The following USO1 variants were observed in gnomAD, a reference collection of about 807,000 sequenced individuals.
USO1 encodes the protein USO1 vesicle transport factor.
In USO1, 57 loss-of-function variants were observed where a neutral mutation model predicts 124.5. The ratio of observed to expected loss-of-function variants is 0.46; its 90% CI spans 0.37 to 0.57. The LOEUF (loss-of-function observed/expected upper bound fraction) is 0.57, where lower values mean the gene tolerates loss of function less well. Among genes scored for constraint, USO1 ranks in the 20% least tolerant of loss-of-function variants. USO1 has a pLI of 0.00. For missense variants in USO1, 900 were observed against 1,040.6 expected, an observed-to-expected ratio of 0.86 and a Z score of 1.86; for synonymous variants, 369 against 362.8, an observed-to-expected ratio of 1.02 and a Z score of -0.19.
At position 75,774,701 on chromosome 4, in the gene USO1, C is replaced by T. The variant is rs375068942; in HGVS notation, c.581C>T (p.Thr194Ile). Reference sequence around the variant, plus strand: ...GGCGTCTTACTACTGCAGGCACTAACAAGAAGCAATGGTGCAATCCAGAAA... The same window carrying T: ...GGCGTCTTACTACTGCAGGCACTAATAAGAAGCAATGGTGCAATCCAGAAA... ...NDGVLLLQAL[T>I]RSNGAIQKIV... The change falls in exon 8 of 24, where the codon ACA becomes ATA. Residue 194 changes from threonine to isoleucine, a missense_variant. Thr to Ile is a moderately conservative substitution (Grantham distance 89). Coordinates refer to ENST00000514213, the MANE Select transcript of USO1 (RefSeq NM_003715.4). The T allele has an allele frequency of 6.8e-6, 11 of 1,613,246 alleles. No homozygotes were observed. Among genetic ancestry groups the T allele is most frequent in the Non-Finnish European group, 9.3e-6 (11 of 1,179,558 alleles).
chr4:75,757,833 GT>G (rs1721490707), intron 4 of USO1, among the ~76,000 whole-genome samples: 1 of 151,820 alleles, frequency 6.6e-6, no homozygotes, highest in Non-Finnish European at 1.5e-5. Flanking sequence ...CTTGTGTTTG[GT>G]TTTAGTTAGG....
chr4:75,781,348 C>T (rs1469158892), intron 8 of USO1, among the ~76,000 whole-genome samples: 1 of 152,072 alleles, frequency 6.6e-6, no homozygotes, highest in African/African-American at 2.4e-5. Context: ...ATGCTGTGAA[C>T]ATTGGTGAAA....
intron 18 of USO1, among the ~76,000 whole-genome samples, 177 bp downstream of exon 18, chr4:75,804,449 G>C (rs920275806): frequency 6.6e-6 from 1 of 152,118 alleles, no homozygotes. Flanking sequence ...GTTAAGACTG[G>C]ACCTTTAGAG....
In USO1 at chr4:75,806,632, G is replaced by T. The variant is rs17000907; in HGVS notation, c.2376+60G>T. 6 of 1,517,166 alleles carry T rather than the reference G, an allele frequency of 4.0e-6. No homozygotes were observed. In the East Asian group the frequency reaches 1.5e-4, roughly 37 times the overall value. 94.0% of individuals were successfully genotyped at this position (1,517,166 alleles called of 1,614,324 possible). A position where few individuals can be genotyped will look rare whatever the true frequency, so the allele number is the denominator to read the frequency against. On this transcript the variant is annotated intron_variant, in intron 20 of 23. Transcript: ENST00000514213. ...ATGTTTTAATTATAATAGAATAACA[G>T]CCCTATAGTTTCACAAATCTAGAAC...
rs753558311 is a variant in USO1 at position 75,800,676 on chromosome 4, C to G, written c.1741C>G (p.Leu581Val). The G allele has an allele frequency of 3.1e-6, 5 of 1,598,368 alleles. No individual in the cohort carries two copies. The highest frequency in any genetic ancestry group is 1.1e-5 in the South Asian group (1 of 87,532). ...TGGCAAAGAGAATTTCATAGAGAAA[C>G]TAGGATTTATTAGCAAACATGAGTT... ...RIGKENFIEK[L>V]GFISKHELYS... is the part of the protein sequence containing the mutation. The change falls in exon 16 of 24, where the codon CTA becomes GTA. Residue 581 changes from leucine (L) to valine (V), a missense_variant. Physicochemically the swap from Leu to Val is conservative, Grantham distance 32. Coordinates refer to ENST00000514213, the MANE Select transcript of USO1 (RefSeq NM_003715.4).
intron 7 of USO1, among the ~76,000 whole-genome samples, chr4:75,771,528 T>C (rs538071700): frequency 6.6e-6 from 1 of 152,358 alleles, no homozygotes; most frequent in African/African-American, 2.4e-5. Flanking sequence ...GGATTTCTTA[T>C]ACTATCTGCT....
At chr4:75,726,561 C>T (rs1307248786) in intron 1 of USO1, among the ~76,000 whole-genome samples, 2 of 120,240 alleles carry the variant, frequency 1.7e-5, no homozygotes, top group African/African-American at 5.4e-5. Context: ...TGAAGAGACT[C>T]CATCTCAAAA....
chr4:75,752,212 AG>A (rs1437375988), intron 1 of USO1, among the ~76,000 whole-genome samples, 160 bp from the exon 2 acceptor site: 1 of 152,070 alleles, frequency 6.6e-6, no homozygotes, highest in Non-Finnish European at 1.5e-5. Flanking sequence ...CTCTGTAATG[AG>A]ATTATAATAC....
Position 75,790,697 on chromosome 4 carries a change from T to C in USO1, c.1140T>C (p.Val380=). Residue 380 remains valine, a synonymous_variant, in exon 12 of 24, where the codon GTT becomes GTC. Transcript: ENST00000514213. The part of the protein sequence containing the change: ...MSMVNERQPF[V]LRCAVLYCFQ... Reference sequence around the variant, plus strand: ...TGGTTAATGAAAGGCAGCCATTTGTTTTGCGCTGTGCTGTTCTCTATTGTT... The same window carrying C: ...TGGTTAATGAAAGGCAGCCATTTGTCTTGCGCTGTGCTGTTCTCTATTGTT... 1 of 1,613,356 alleles carries C rather than the reference T, an allele frequency of 6.2e-7. No homozygotes were observed. Among genetic ancestry groups the C allele is most frequent in the Non-Finnish European group, 8.5e-7 (1 of 1,179,664 alleles).
chr4:75,789,398 C>T (rs1722464777), intron 10 of USO1, among the ~76,000 whole-genome samples: 1 of 152,164 alleles, frequency 6.6e-6, no homozygotes, highest in Non-Finnish European at 1.5e-5. Flanking sequence ...CTGCCTTAGC[C>T]TCACAAGTAA....
intron 1 of USO1, among the ~76,000 whole-genome samples, chr4:75,728,129 A>C (rs1374342569): frequency 3.9e-5 from 6 of 152,248 alleles, no homozygotes; most frequent in Non-Finnish European, 8.8e-5. Flanking sequence ...TAAAGACTAG[A>C]AACTGAAGTT....
intron 12 of USO1, among the ~76,000 whole-genome samples, chr4:75,793,205 CTTTTTTTTTTTT>C (rs67560505): frequency 1.1e-4 from 10 of 87,730 alleles, no homozygotes; most frequent in South Asian, 4.4e-4. Context: ...TCTCTCTCTC[CTTTTTTTTTTTT>C]TTTTTTTTTT....
At chr4:75,725,107 G>A in intron 1 of USO1, 1 of 583,176 alleles carries the variant, frequency 1.7e-6, no homozygotes, top group Non-Finnish European at 3.0e-6. Context: ...GACGGCGGCC[G>A]CGCCCCGCAG....
chr4:75,768,750 A>G (rs1232894810), intron 4 of USO1, among the ~76,000 whole-genome samples: 1 of 152,180 alleles, frequency 6.6e-6, no homozygotes, highest in East Asian at 1.9e-4. Context: ...ATTAAGTATG[A>G]TGTTAGCTGT....
chr4:75,768,582 T>C (rs1238642240), intron 4 of USO1, among the ~76,000 whole-genome samples: 5 of 152,248 alleles, frequency 3.3e-5, no homozygotes, highest in Non-Finnish European at 7.3e-5. Flanking sequence ...CATCTGTAAA[T>C]AAAGACAGTT....
chr4:75,807,472 A>G (rs1256090633), intron 20 of USO1, among the ~76,000 whole-genome samples: 3 of 152,022 alleles, frequency 2.0e-5, no homozygotes, highest in Admixed American at 1.3e-4. Flanking sequence ...GCCCTAGTCC[A>G]CTGACATGGC....
In USO1 at chr4:75,806,503, T is replaced by C; in HGVS notation, c.2307T>C (p.Ser769=). The part of the protein sequence containing the change: ...MIENMKSSQT[S]GTNEQSSAIV... ...ATTTGCAGAAATCTTCCCAAACATC[T>C]GGCACAAATGAACAGTCTTCAGCAA... Residue 769 remains serine (S), a synonymous_variant, in exon 20 of 24, where the codon TCT becomes TCC. Transcript: ENST00000514213. 6.4e-7 allele frequency: 1 copy of C among 1,560,034 alleles called. No homozygotes were observed.
At chr4:75,780,100 A>G (rs1259119056) in intron 8 of USO1, among the ~76,000 whole-genome samples, 3 of 152,228 alleles carry the variant, frequency 2.0e-5, no homozygotes, top group Middle Eastern at 3.4e-3. Context: ...TAATAGCATG[A>G]TTTACTGAGC....
intron 8 of USO1, among the ~76,000 whole-genome samples, chr4:75,777,978 A>G (rs1339172917): frequency 6.6e-6 from 1 of 152,248 alleles, no homozygotes; most frequent in African/African-American, 2.4e-5. Context: ...TACTACATCT[A>G]TACAATGGGA....
Sources: allele counts gnomAD v4.1 joint callset (sites outside exome capture counted in the v4.1 genomes callset), GRCh38; gene constraint gnomAD v4.1.1; transcripts MANE v1.5; gene names NCBI Gene and HGNC (gene_info 2026-07-23, HGNC 2026-07-21).